SERGEF: variants seen among roughly 807,000 people sequenced by gnomAD.
The protein encoded by SERGEF is secretion-regulating guanine nucleotide exchange factor.
In SERGEF, 51 loss-of-function variants were observed where a neutral mutation model predicts 50.0. That is an observed-to-expected ratio of 1.02 (90% confidence interval 0.81 to 1.29). The LOEUF is 1.29. Ranked by LOEUF, SERGEF falls within the 50% of genes most tolerant of loss-of-function variation. SERGEF has a pLI of 0.00. For synonymous variants in SERGEF, 205 were observed against 212.4 expected, an observed-to-expected ratio of 0.97 and a Z score of 0.30; for missense variants, 521 against 557.0, an observed-to-expected ratio of 0.94 and a Z score of 0.65.
At chr11:17,995,485 A>AAT (rs1465865545) in intron 6 of SERGEF, among the ~76,000 whole-genome samples, 2 of 152,196 alleles carry the variant, frequency 1.3e-5, no homozygotes, top group Non-Finnish European at 2.9e-5. Flanking sequence ...GTTTGAAGAC[A>AAT]ATATATAGTC....
chr11:17,841,692 C>T (rs901175905), intron 10 of SERGEF, among the ~76,000 whole-genome samples: 7 of 152,172 alleles, frequency 4.6e-5, no homozygotes, highest in Non-Finnish European at 1.0e-4. Context: ...GCTTCAAATC[C>T]TTCTATGATT....
At chr11:17,839,834 A>C (rs1850468740) in intron 10 of SERGEF, among the ~76,000 whole-genome samples, 1 of 152,176 alleles carries the variant, frequency 6.6e-6, no homozygotes, top group African/African-American at 2.4e-5. Flanking sequence ...TTATAAACCT[A>C]ATTTTATAGA....
chr11:18,012,497 C>A, intron 1 of SERGEF: 1 of 1,096,110 alleles, frequency 9.1e-7, no homozygotes, highest in Non-Finnish European at 1.1e-6. Flanking sequence ...CACCGCAGGC[C>A]TCACATCTAA....
rs1289781467 is a variant in SERGEF, at chr11:18,008,075, C to A, written c.62G>T (p.Gly21Val). The A allele has an allele frequency of 1.2e-6, 2 of 1,612,114 alleles. No homozygotes were observed. Among genetic ancestry groups the A allele is most frequent in the Admixed American group, 1.7e-5 (1 of 59,586 alleles). Residue 21 changes from glycine (G) to valine (V), a missense_variant and splice_region_variant, in exon 2 of 11, where the codon GGT becomes GTT. Transcript: ENST00000265965. Reference protein sequence around the residue: ...APAAAALFAWGANSYGQLGLG... With the variant: ...APAAAALFAWVANSYGQLGLG... ...GCCAAGTTGCCCATAGCTATTTGCA[C>A]CCTAGGGATGAATAAGCCAAGGATG...
intron 8 of SERGEF, among the ~76,000 whole-genome samples, chr11:17,986,449 C>T (rs1370614632): frequency 6.6e-6 from 1 of 152,136 alleles, no homozygotes; most frequent in Non-Finnish European, 1.5e-5. Context: ...ATAGCTGAAA[C>T]GTTACCAAAA....
chr11:17,955,396 G>A (rs1436861331), intron 9 of SERGEF, among the ~76,000 whole-genome samples: 2 of 152,328 alleles, frequency 1.3e-5, no homozygotes, highest in South Asian at 2.1e-4. Context: ...CAACACTGGT[G>A]CATGACAGGT....
At chr11:17,883,181 G>A (rs1175689941) in intron 9 of SERGEF, among the ~76,000 whole-genome samples, 1 of 152,212 alleles carries the variant, frequency 6.6e-6, no homozygotes, top group Non-Finnish European at 1.5e-5. Context: ...GACTTCATCA[G>A]TTCTTGCAAG....
chr11:17,924,442 G>A (rs1852213823), intron 9 of SERGEF, among the ~76,000 whole-genome samples: 1 of 152,166 alleles, frequency 6.6e-6, no homozygotes, highest in Admixed American at 6.5e-5. Context: ...TCTGTGCAAA[G>A]GAATGGTGGT....
chr11:17,964,757 G>A (rs1200469003), intron 8 of SERGEF, among the ~76,000 whole-genome samples: 3 of 152,188 alleles, frequency 2.0e-5, no homozygotes, highest in East Asian at 1.9e-4. Context: ...ACAAATACAA[G>A]CACCAGTTAC....
intron 9 of SERGEF, among the ~76,000 whole-genome samples, chr11:17,948,580 G>A (rs978860689): frequency 6.6e-6 from 1 of 152,096 alleles, no homozygotes; most frequent in Admixed American, 6.5e-5. Context: ...TTGAAGCGAG[G>A]GACTTTCCTC....
intron 10 of SERGEF, among the ~76,000 whole-genome samples, chr11:17,871,424 G>A (rs1158268401): frequency 7.1e-6 from 1 of 141,018 alleles, no homozygotes; most frequent in Non-Finnish European, 1.5e-5. Context: ...TTGTGCCACT[G>A]CACTCCGGCC....
At chr11:17,911,731 G>C (rs751678410) in intron 9 of SERGEF, among the ~76,000 whole-genome samples, 8 of 151,998 alleles carry the variant, frequency 5.3e-5, no homozygotes, top group Non-Finnish European at 1.2e-4. Context: ...CCAGCAATCT[G>C]CTCATCTCAG....
At chr11:17,794,045 G>A (rs1849532319) in intron 10 of SERGEF, among the ~76,000 whole-genome samples, 1 of 152,240 alleles carries the variant, frequency 6.6e-6, no homozygotes, top group Non-Finnish European at 1.5e-5. Context: ...CCAGTGCTAG[G>A]GAGGGGGCAG....
intron 8 of SERGEF, among the ~76,000 whole-genome samples, chr11:17,968,416 C>G (rs1853174973): frequency 2.0e-5 from 3 of 152,176 alleles, no homozygotes; most frequent in Admixed American, 2.0e-4. Flanking sequence ...CTGCACTGAA[C>G]AGAACACATA....
chr11:17,978,560 C>A (rs1453042903), intron 8 of SERGEF, among the ~76,000 whole-genome samples: 1 of 152,194 alleles, frequency 6.6e-6, no homozygotes, highest in African/African-American at 2.4e-5. Context: ...AGGAAAAAGG[C>A]AGACAGTTAA....
rs556351113 is a variant in SERGEF at position 17,995,731 on chromosome 11, T to C, written c.622+65A>G. ...ATCAAAAATCCATTTAATCCTCTTC[T>C]GCATGTTTATGTCTCTACTTCCTGA... On this transcript the variant is annotated intron_variant, in intron 6 of 10. Coordinates refer to ENST00000265965, the MANE Select transcript of SERGEF (RefSeq NM_012139.4). 4 of 1,102,494 alleles carry C rather than the reference T, an allele frequency of 3.6e-6. No individual in the cohort carries two copies. The South Asian group carries it at 5.3e-5, about 15-fold the overall frequency. The allele number at this position is 1,102,494 out of a possible 1,614,324, so 68.3% of individuals were successfully genotyped here.
At chr11:17,969,039 C>T (rs78983253) in intron 8 of SERGEF, among the ~76,000 whole-genome samples, 1,938 of 152,294 alleles carry the variant, frequency 0.013, 16 homozygotes, top group Non-Finnish European at 0.021. Context: ...GATGAAAAGG[C>T]AGGCAATAAA....
chr11:17,955,554 A>C (rs1346288828), intron 9 of SERGEF, among the ~76,000 whole-genome samples: 1 of 152,250 alleles, frequency 6.6e-6, no homozygotes, highest in African/African-American at 2.4e-5. Flanking sequence ...AGGCAGTGTC[A>C]CTGAGGTCAG....
chr11:17,866,409 T>C (rs965918749), intron 10 of SERGEF, among the ~76,000 whole-genome samples: 21 of 152,230 alleles, frequency 1.4e-4, no homozygotes, highest in Admixed American at 1.2e-3. Flanking sequence ...CTAAACCATA[T>C]AGCCTAGGTG....
Sources: allele counts gnomAD v4.1 joint callset (sites outside exome capture counted in the v4.1 genomes callset), GRCh38; gene constraint gnomAD v4.1.1; transcripts MANE v1.5; gene names NCBI Gene and HGNC (gene_info 2026-07-23, HGNC 2026-07-21).